BARD1: variants seen among roughly 807,000 people sequenced by gnomAD.
The protein encoded by BARD1 is BRCA1-associated RING domain protein 1.
BARD1 carries 73 observed loss-of-function variants against 77.0 expected under a neutral mutation model. The observed-to-expected ratio is 0.95, with a 90% CI of 0.79 to 1.15. BARD1 has a LOEUF of 1.15. BARD1 is among the 50% of genes most tolerant of loss of function. The pLI, the probability that BARD1 is intolerant of heterozygous loss-of-function variation, is 0.00. For missense variants in BARD1, 993 were observed against 938.8 expected (o/e 1.06, Z -0.75); for synonymous variants, 384 against 338.0 (o/e 1.14, Z -1.49).
chr2:214,781,635 G>A (rs1695043963), intron 3 of BARD1, 126 bp from the exon 4 acceptor site: 1 of 725,944 alleles, frequency 1.4e-6, no homozygotes, highest in African/African-American at 1.8e-5. Flanking sequence ...TTCTTTCTCA[G>A]CTCCTAGAGT....
Position 214,802,138 on chromosome 2 carries a change from C to G in BARD1, c.159-5021G>C, listed in dbSNP as rs185328096. On this transcript the variant is annotated intron_variant, in intron 1 of 10. Coordinates refer to ENST00000260947, the MANE Select transcript of BARD1 (RefSeq NM_000465.4). ...ACTCACAATTTTTTAGCTTTATTAT[C>G]CTGCAAATGTAATACACATTCAATA... Among the ~76,000 whole-genome samples the G allele has an allele frequency of 2.5e-3, 384 of 152,274 alleles. 6 individuals are homozygous for G. The South Asian group carries it at 0.035, about 14-fold the overall frequency.
At chr2:214,782,833 G>A (rs183542052) in intron 3 of BARD1, among the ~76,000 whole-genome samples, 54 of 152,312 alleles carry the variant, frequency 3.5e-4, no homozygotes, top group Non-Finnish European at 5.9e-4. Flanking sequence ...CCATGTGGAG[G>A]AGGAACTTTG....
At chr2:214,751,153 T>A (rs866140791) in intron 7 of BARD1, among the ~76,000 whole-genome samples, 87 of 70,974 alleles carry the variant, frequency 1.2e-3, no homozygotes, top group African/African-American at 1.6e-3. Flanking sequence ...ATATATATAT[T>A]TTTTTTTTTT....
At chr2:214,801,851 G>C (rs1320158044) in intron 1 of BARD1, among the ~76,000 whole-genome samples, 1 of 88,220 alleles carries the variant, frequency 1.1e-5, no homozygotes, top group Admixed American at 1.0e-4. Flanking sequence ...ATATTTGGCG[G>C]GGGGGGGGGT....
intron 6 of BARD1, among the ~76,000 whole-genome samples, chr2:214,759,843 C>T (rs1693868207): frequency 6.6e-6 from 1 of 152,108 alleles, no homozygotes; most frequent in African/African-American, 2.4e-5. Context: ...GTGAAGATGG[C>T]AAATAAAGAG....
At chr2:214,761,070 A>AC (rs1693940996) in intron 6 of BARD1, among the ~76,000 whole-genome samples, 1 of 121,136 alleles carries the variant, frequency 8.3e-6, no homozygotes, top group South Asian at 3.0e-4. Context: ...ACTTGATGGG[A>AC]TAAAAAAAAA....
intron 6 of BARD1, among the ~76,000 whole-genome samples, chr2:214,756,283 C>T (rs566453698): frequency 1.3e-5 from 2 of 152,178 alleles, no homozygotes; most frequent in African/African-American, 4.8e-5. Context: ...CATATTGATA[C>T]CACCTTACTC....
At chr2:214,776,789 G>T (rs1158917399) in intron 4 of BARD1, among the ~76,000 whole-genome samples, 3 of 152,124 alleles carry the variant, frequency 2.0e-5, no homozygotes, top group Non-Finnish European at 2.9e-5. Context: ...CTTGAGATGG[G>T]GAGATTATTC....
At chr2:214,777,191 G>C (rs887203881) in intron 4 of BARD1, among the ~76,000 whole-genome samples, 1 of 152,180 alleles carries the variant, frequency 6.6e-6, no homozygotes, top group African/African-American at 2.4e-5. Context: ...TAACTTTGTG[G>C]AAGTTTGTTT....
chr2:214,803,252 T>C (rs948609944), intron 1 of BARD1, among the ~76,000 whole-genome samples: 3 of 151,846 alleles, frequency 2.0e-5, no homozygotes, highest in African/African-American at 7.3e-5. Flanking sequence ...TAGTCTGAAA[T>C]ATGGCCTTGT....
chr2:214,739,339 T>C (rs375851032), intron 9 of BARD1, among the ~76,000 whole-genome samples: 2 of 152,192 alleles, frequency 1.3e-5, no homozygotes, highest in East Asian at 1.9e-4. Flanking sequence ...ACTAAAGATG[T>C]TTAAATTAGG....
rs201873551 is a variant in BARD1 at position 214,728,832 on chromosome 2, G to A, written c.2178C>T (p.Pro726=). The A allele has an allele frequency of 5.0e-6, 8 of 1,614,172 alleles. No homozygotes were observed. Among genetic ancestry groups the A allele is most frequent in the Admixed American group, 1.7e-5 (1 of 60,026 alleles). The part of the protein sequence containing the change: ...TINTVAYHAR[P]DSDQRFCTQY... ...GTGTGCAGAAGCGCTGATCAGAATC[G>A]GGTCTCGCATGGTATGCGACTGTAT... Residue 726 remains proline, a synonymous_variant, in exon 11 of 11, where the codon CCC becomes CCT. Coordinates refer to ENST00000260947, the MANE Select transcript of BARD1 (RefSeq NM_000465.4).
intron 3 of BARD1, among the ~76,000 whole-genome samples, chr2:214,782,867 G>C (rs2106115498): frequency 1.3e-5 from 2 of 152,274 alleles, no homozygotes; most frequent in East Asian, 3.9e-4. Context: ...AGAAACAATA[G>C]CCAATTATGT....
At chr2:214,809,281 C>T in intron 1 of BARD1, 131 bp downstream of exon 1, 3 of 1,354,268 alleles carry the variant, frequency 2.2e-6, no homozygotes, top group Non-Finnish European at 3.0e-6. Context: ...CCGGCAGGTG[C>T]TAACCGCACG....
rs1036411605 is a variant in BARD1, at chr2:214,740,170, T to G, written c.1903+4897A>C. On this transcript the variant is annotated intron_variant, in intron 9 of 10. Transcript: ENST00000260947. ...TCTTTTGAAGTCATATATTAAAAGT[T>G]CAAATTTTTATGTAAAAAATTCTGT... is the stretch of plus-strand genomic sequence containing the variant. 3.3e-5 allele frequency among the ~76,000 whole-genome samples: 5 copies of G among 152,062 alleles called. No individual in the cohort carries two copies. In the East Asian group the frequency reaches 7.7e-4, roughly 23 times the overall value.
chr2:214,794,362 A>G (rs535926643), intron 2 of BARD1, among the ~76,000 whole-genome samples: 1 of 152,310 alleles, frequency 6.6e-6, no homozygotes, highest in South Asian at 2.1e-4. Context: ...ACTTCTTCCA[A>G]CTACAATTAT....
chr2:214,730,180 G>C (rs1337121923), intron 10 of BARD1: 3 of 537,572 alleles, frequency 5.6e-6, no homozygotes, highest in Non-Finnish European at 1.0e-5. Context: ...GATTCTGAAA[G>C]GTTTATGGCA....
intron 6 of BARD1, among the ~76,000 whole-genome samples, chr2:214,755,534 G>T (rs1693654578): frequency 6.6e-6 from 1 of 152,142 alleles, no homozygotes; most frequent in Admixed American, 6.5e-5. Flanking sequence ...AACTGATAAA[G>T]TATAAACCCA....
rs114234494 is a variant in BARD1, at chr2:214,776,300, T to C, written c.1314+4260A>G. Among the ~76,000 whole-genome samples the C allele has an allele frequency of 9.0e-3, 1,370 of 152,212 alleles. 18 individuals carry two copies. Among genetic ancestry groups the C allele is most frequent in the African/African-American group, 0.031 (1,292 of 41,510 alleles). On this transcript the variant is annotated intron_variant, in intron 4 of 10. Coordinates refer to ENST00000260947, the MANE Select transcript of BARD1 (RefSeq NM_000465.4). ...CAAGCAAAGCTGACATAATAGAAAATAAAAAATTTTCTCTATATCCTTAGT... is the reference window on the plus strand; with the variant it reads ...CAAGCAAAGCTGACATAATAGAAAACAAAAAATTTTCTCTATATCCTTAGT...
Sources: gnomAD v4.1 joint callset for allele counts (sites outside exome capture counted in the v4.1 genomes callset) on GRCh38, gnomAD v4.1.1 for gene constraint, MANE v1.5 for transcripts, NCBI Gene and HGNC (gene_info 2026-07-23, HGNC 2026-07-21) for gene names.